Variants in BRWD1 observed in about 807,000 individuals in gnomAD.
The protein encoded by BRWD1 is bromodomain and WD repeat-containing protein 1.
A neutral mutation model predicts 251.2 loss-of-function variants in BRWD1; 82 were observed. The ratio of observed to expected loss-of-function variants is 0.33; its 90% CI spans 0.27 to 0.39. BRWD1 has a LOEUF of 0.39. Ranked by LOEUF, BRWD1 falls within the 10% of genes least tolerant of loss-of-function variation. The pLI is 1.00. For missense variants in BRWD1, 2,233 were observed against 2,711.6 expected (o/e 0.82, Z 3.92); for synonymous variants, 918 against 902.8 (o/e 1.02, Z -0.30).
chr21:39,253,286 C>CAAAAAAAAAAAAA (rs57456792), intron 19 of BRWD1, among the ~76,000 whole-genome samples: 1 of 83,822 alleles, frequency 1.2e-5, no homozygotes, highest in African/African-American at 4.6e-5. Flanking sequence ...GAAACTGTCT[C>CAAAAAAAAAAAAA]AAAAAAAAAA....
rs2031449568 is a variant in BRWD1, at chr21:39,189,787, T to C, written c.*6472A>G. 1.0e-6 allele frequency: 1 copy of C among 984,348 alleles called. No individual in the cohort carries two copies. Among genetic ancestry groups the C allele is most frequent in the Non-Finnish European group, 1.2e-6 (1 of 828,996 alleles). 61.0% of individuals were successfully genotyped at this position (984,348 alleles called of 1,614,324 possible). A position where few individuals can be genotyped will look rare whatever the true frequency, so the allele number is the denominator to read the frequency against. ...CTACAAACAGTTTTAGAAATATATA[T>C]AGGATATTTCAGGGTTAGAAGTCAA... On this transcript the variant is annotated 3_prime_UTR_variant, in exon 41 of 41. Transcript: ENST00000342449.
intron 8 of BRWD1, among the ~76,000 whole-genome samples, chr21:39,281,665 A>C (rs996711915): frequency 4.6e-5 from 7 of 152,160 alleles, no homozygotes; most frequent in Non-Finnish European, 8.8e-5. Context: ...CACCACCTCT[A>C]CTAAAAATAC....
intron 7 of BRWD1, among the ~76,000 whole-genome samples, chr21:39,294,758 G>A (rs1401170311): frequency 6.6e-6 from 1 of 151,824 alleles, no homozygotes; most frequent in Non-Finnish European, 1.5e-5. Context: ...ACAGGACTAA[G>A]TGGCAATCCC....
At chr21:39,206,399 ACTT>A (rs1346285604) in intron 36 of BRWD1, 125 bp from the exon 37 acceptor site, 17 of 688,002 alleles carry the variant, frequency 2.5e-5, no homozygotes, top group East Asian at 1.5e-4. Flanking sequence ...GCTGTCACCC[ACTT>A]CTTCTGTTTC....
rs1405148322 is a variant in BRWD1, at chr21:39,287,058, C to CA, written c.831+6752dup. On this transcript the variant is annotated intron_variant, in intron 8 of 40. Transcript: ENST00000342449. ...ATCTACCTTGCTGACATCATCACTT[C>CA]AACCCTAAAATCCTTAGTGTGTATC... 5.6e-4 allele frequency among the ~76,000 whole-genome samples: 86 copies of CA among 152,320 alleles called. 1 individual carries two copies. The highest frequency in any genetic ancestry group is 5.6e-3 in the Admixed American group (86 of 15,300).
intron 8 of BRWD1, among the ~76,000 whole-genome samples, chr21:39,283,855 T>C (rs1226240747): frequency 6.6e-6 from 1 of 152,162 alleles, no homozygotes; most frequent in African/African-American, 2.4e-5. Context: ...TTAAAAATAG[T>C]CTTGCTTTTT....
rs1049324448 is a variant in BRWD1 at position 39,303,344 on chromosome 21, C to A, written c.199-4762G>T. Among the ~76,000 whole-genome samples the A allele has an allele frequency of 1.3e-5, 2 of 151,474 alleles. 1 individual carries two copies. The highest frequency in any genetic ancestry group is 4.9e-5 in the African/African-American group (2 of 41,212). ...GACCAGCCTGGCAAATGTGGTGAAA[C>A]CCCATTTGTACTAAAACTACAAAGA... is the stretch of plus-strand genomic sequence containing the variant. On this transcript the variant is annotated intron_variant, in intron 4 of 40. Transcript: ENST00000342449.
intron 21 of BRWD1, among the ~76,000 whole-genome samples, chr21:39,243,218 T>C (rs540877561): frequency 5.3e-5 from 8 of 152,232 alleles, no homozygotes; most frequent in Admixed American, 3.9e-4. Flanking sequence ...CTGCCAAAAA[T>C]GCATGACCCT....
intron 5 of BRWD1, chr21:39,297,801 CAATCTT>C (rs1382112300): frequency 8.2e-6 from 7 of 856,898 alleles, no homozygotes; most frequent in Non-Finnish European, 9.8e-6. Flanking sequence ...GAAGAACCAA[CAATCTT>C]TGCCCATTAG....
rs1377020048 is a variant in BRWD1 at position 39,211,057 on chromosome 21, T to C, written c.3901-128A>G. On this transcript the variant is annotated intron_variant, in intron 34 of 40. Coordinates refer to ENST00000342449, the MANE Select transcript of BRWD1 (RefSeq NM_033656.4). ...ATATATGTTGCTCTCAACACATTTT[T>C]CCAGAAATGAAATTTTTAAACTATG... 15 of 953,788 alleles carry C rather than the reference T, an allele frequency of 1.6e-5. 1 individual carries two copies. In the South Asian group the frequency reaches 2.7e-4, roughly 17 times the overall value. The allele number at this position is 953,788 out of a possible 1,614,324, so 59.1% of individuals were successfully genotyped here. A position where few individuals can be genotyped will look rare whatever the true frequency, so the allele number is the denominator to read the frequency against.
chr21:39,224,348 A>T, intron 29 of BRWD1, 60 bp downstream of exon 29: 1 of 982,744 alleles, frequency 1.0e-6, no homozygotes. Flanking sequence ...TTCCATGTGC[A>T]CTGGCAAATG....
rs2031602035 is a variant in BRWD1 at position 39,192,473 on chromosome 21, C to T, written c.*3786G>A. The T allele has an allele frequency of 4.1e-6, 4 of 985,200 alleles. No individual in the cohort carries two copies. The highest frequency in any genetic ancestry group is 2.4e-6 in the Non-Finnish European group (2 of 829,820). The allele number at this position is 985,200 out of a possible 1,614,324, so 61.0% of individuals were successfully genotyped here. The stretch of plus-strand genomic sequence containing the variant: ...TTTATTATTTCCTTGATATCCACAG[C>T]AGAAATTCAGAGGTATAACTTCAAC... On this transcript the variant is annotated 3_prime_UTR_variant, in exon 41 of 41. Transcript: ENST00000342449.
chr21:39,186,861 T>C lies in BRWD1; in HGVS notation c.*9398A>G, dbSNP rs1006546014. 2 of 1,186,976 alleles carry C rather than the reference T, an allele frequency of 1.7e-6. No individual in the cohort carries two copies. The highest frequency in any genetic ancestry group is 3.5e-5 in the Admixed American group (1 of 28,518). 73.5% of individuals were successfully genotyped at this position (1,186,976 alleles called of 1,614,324 possible). On this transcript the variant is annotated 3_prime_UTR_variant, in exon 41 of 41. Transcript: ENST00000342449. ...TCCTCAGAATTCCCCAGAGCACATG[T>C]CTGTACAAGAGCTGACTGGGAGGAA... is the stretch of plus-strand genomic sequence containing the variant.
Position 39,191,897 on chromosome 21 carries a change from C to A in BRWD1, c.*4362G>T. 1.0e-6 allele frequency: 1 copy of A among 982,852 alleles called. No homozygotes were observed. The allele number at this position is 982,852 out of a possible 1,614,324, so 60.9% of individuals were successfully genotyped here. On this transcript the variant is annotated 3_prime_UTR_variant, in exon 41 of 41. Transcript: ENST00000342449. ...AACTAAAATATGACCAGAAAGTATA[C>A]CATAGCATTGATAATTAAATTCAAA... is the stretch of plus-strand genomic sequence containing the variant.
chr21:39,293,029 G>A (rs2035859728), intron 8 of BRWD1, among the ~76,000 whole-genome samples: 1 of 152,120 alleles, frequency 6.6e-6, no homozygotes, highest in Admixed American at 6.5e-5. Context: ...TGAAATATTT[G>A]CAGAAGAAAT....
intron 1 of BRWD1, 72 bp from the exon 2 acceptor site, chr21:39,313,371 G>T: frequency 6.8e-7 from 1 of 1,477,082 alleles, no homozygotes; most frequent in Non-Finnish European, 9.0e-7. Context: ...GGAGCCGGGG[G>T]AGCCCGGGGA....
chr21:39,228,591 A>G lies in BRWD1; in HGVS notation c.3126-9T>C. ...CTGGCATATCATGATATCTAGACAA[A>G]AATTTAAAAAATTGTTAAACTCTCT... On this transcript the variant is annotated splice_polypyrimidine_tract_variant and intron_variant, in intron 26 of 40. Coordinates refer to ENST00000342449, the MANE Select transcript of BRWD1 (RefSeq NM_033656.4). 2 of 1,566,722 alleles carry G rather than the reference A, an allele frequency of 1.3e-6. No individual in the cohort carries two copies. The highest frequency in any genetic ancestry group is 1.8e-6 in the Non-Finnish European group (2 of 1,137,932).
chr21:39,262,512 CGA>C (rs1260578819), intron 17 of BRWD1, among the ~76,000 whole-genome samples: 5 of 152,138 alleles, frequency 3.3e-5, no homozygotes, highest in Non-Finnish European at 7.4e-5. Flanking sequence ...GTCAAGAGAT[CGA>C]GACCATCCTG....
intron 25 of BRWD1, among the ~76,000 whole-genome samples, chr21:39,231,052 T>C (rs1046421699): frequency 6.6e-6 from 1 of 152,124 alleles, no homozygotes; most frequent in Non-Finnish European, 1.5e-5. Flanking sequence ...AAACCGCCAA[T>C]GTATATAAAG....
Sources: gnomAD v4.1 joint callset for allele counts (sites outside exome capture counted in the v4.1 genomes callset) on GRCh38, gnomAD v4.1.1 for gene constraint, MANE v1.5 for transcripts, NCBI Gene and HGNC (gene_info 2026-07-23, HGNC 2026-07-21) for gene names.